The following RASSF8 variants were observed in gnomAD, a reference collection of about 807,000 sequenced individuals.
RASSF8 encodes the protein Ras association domain family member 8.
In RASSF8, 22 loss-of-function variants were observed where a neutral mutation model predicts 48.5. The observed-to-expected ratio is 0.45, with a 90% CI of 0.32 to 0.65. The LOEUF is 0.65. Among genes scored for constraint, RASSF8 ranks in the 30% least tolerant of loss-of-function variants. The pLI is 0.03. For missense variants in RASSF8, 418 were observed against 489.2 expected, an observed-to-expected ratio of 0.85 and a Z score of 1.37; for synonymous variants, 127 against 171.5, an observed-to-expected ratio of 0.74 and a Z score of 2.03.
At chr12:25,988,736 T>G (rs773502258) in intron 1 of RASSF8, among the ~76,000 whole-genome samples, 9 of 152,144 alleles carry the variant, frequency 5.9e-5, no homozygotes, top group Non-Finnish European at 1.0e-4. Flanking sequence ...TCTCATTTAT[T>G]GAGTTTGCCA....
At chr12:26,028,389 C>G (rs1392849424) in intron 2 of RASSF8, among the ~76,000 whole-genome samples, 4 of 152,104 alleles carry the variant, frequency 2.6e-5, no homozygotes, top group African/African-American at 9.7e-5. Flanking sequence ...GAATTCTAAC[C>G]AAGTATTTCA....
chr12:26,020,753 G>C (rs2137061713), intron 2 of RASSF8, among the ~76,000 whole-genome samples: 1 of 152,040 alleles, frequency 6.6e-6, no homozygotes, highest in Non-Finnish European at 1.5e-5. Context: ...TCTATTTCTA[G>C]GGAAAAAAGT....
chr12:26,058,538 G>GCGCGCGCACACA (rs377669426), intron 3 of RASSF8, among the ~76,000 whole-genome samples: 1 of 148,998 alleles, frequency 6.7e-6, no homozygotes, highest in African/African-American at 2.5e-5. Context: ...ACGCGCGCGC[G>GCGCGCGCACACA]CACACACACA....
chr12:25,979,428 T>C (rs548112693), intron 1 of RASSF8, among the ~76,000 whole-genome samples: 2 of 152,102 alleles, frequency 1.3e-5, no homozygotes, highest in East Asian at 1.9e-4. Flanking sequence ...GAGGAAATCA[T>C]TGAGGATTTT....
At chr12:25,967,998 C>T (rs539342458) in intron 1 of RASSF8, among the ~76,000 whole-genome samples, 2 of 152,224 alleles carry the variant, frequency 1.3e-5, no homozygotes, top group African/African-American at 2.4e-5. Flanking sequence ...AATTCAGTCT[C>T]GCCTTTCCTT....
chr12:26,020,360 A>G (rs954383223), intron 2 of RASSF8: 10 of 152,232 alleles, frequency 6.6e-5, no homozygotes, highest in African/African-American at 2.2e-4. Flanking sequence ...CCCCAGAACT[A>G]TGAGAGGAAA....
rs144948000 is a variant in RASSF8, at chr12:26,012,705, G to A, written c.-109+17575G>A. Reference sequence around the variant, plus strand: ...TTCTTTTTTTTTTTTTTTTGAGATAGGGTCTCACTCTGTTGCCCAGGCTAG... The same window carrying A: ...TTCTTTTTTTTTTTTTTTTGAGATAAGGTCTCACTCTGTTGCCCAGGCTAG... On this transcript the variant is annotated intron_variant, in intron 2 of 5. Coordinates refer to ENST00000689635, the MANE Select transcript of RASSF8 (RefSeq NM_001394098.1). 2.9e-5 allele frequency among the ~76,000 whole-genome samples: 4 copies of A among 135,770 alleles called. No homozygotes were observed. The East Asian group carries it at 8.6e-4, about 29-fold the overall frequency. 89.1% of individuals were successfully genotyped at this position (135,770 alleles called of 152,430 possible).
chr12:25,999,778 A>G (rs1259279811), intron 2 of RASSF8, among the ~76,000 whole-genome samples: 1 of 152,222 alleles, frequency 6.6e-6, no homozygotes, highest in Admixed American at 6.5e-5. Flanking sequence ...AATCATGTAA[A>G]TATCATGATC....
rs1301499062 is a variant in RASSF8 at position 26,069,614 on chromosome 12, TTA to T, written c.*798_*799del. 2.0e-6 allele frequency: 2 copies of T among 985,316 alleles called. No individual in the cohort carries two copies. The highest frequency in any genetic ancestry group is 3.5e-5 in the African/African-American group (2 of 57,242). The allele number at this position is 985,316 out of a possible 1,614,324, so 61.0% of individuals were successfully genotyped here. ...AACAGGCATGGGGTTTCCTGATACATTATGTGTTTTGTTTCTGCCCTGTCTTA... is the reference window on the plus strand; with the variant it reads ...AACAGGCATGGGGTTTCCTGATACATTGTGTTTTGTTTCTGCCCTGTCTTA... On this transcript the variant is annotated 3_prime_UTR_variant, in exon 6 of 6. Coordinates refer to ENST00000689635, the MANE Select transcript of RASSF8 (RefSeq NM_001394098.1).
intron 1 of RASSF8, among the ~76,000 whole-genome samples, chr12:25,976,406 A>C (rs938287494): frequency 1.3e-5 from 2 of 149,278 alleles, no homozygotes; most frequent in Non-Finnish European, 3.0e-5. Flanking sequence ...CTTGGTTTGC[A>C]CAGAAGTATA....
At chr12:26,008,481 C>T (rs1023136534) in intron 2 of RASSF8, among the ~76,000 whole-genome samples, 2 of 152,106 alleles carry the variant, frequency 1.3e-5, no homozygotes, top group African/African-American at 4.8e-5. Flanking sequence ...GATTAAAGAT[C>T]ACAATATTTT....
At chr12:25,995,310 G>A (rs923724959) in intron 2 of RASSF8, among the ~76,000 whole-genome samples, 180 bp downstream of exon 2, 1 of 152,172 alleles carries the variant, frequency 6.6e-6, no homozygotes, top group African/African-American at 2.4e-5. Flanking sequence ...AGTATAGGTG[G>A]TGATAGTATC....
chr12:26,033,140 C>T (rs1943063649), intron 2 of RASSF8, among the ~76,000 whole-genome samples: 1 of 152,144 alleles, frequency 6.6e-6, no homozygotes, highest in Non-Finnish European at 1.5e-5. Flanking sequence ...CTAAATGGTT[C>T]AGCTGAATCA....
chr12:26,044,490 C>T (rs1382478438), intron 2 of RASSF8, among the ~76,000 whole-genome samples: 2 of 152,068 alleles, frequency 1.3e-5, no homozygotes, highest in African/African-American at 2.4e-5. Flanking sequence ...AGTAGCTGTA[C>T]CCTACAGTTG....
At chr12:26,058,739 T>G (rs7139241) in intron 3 of RASSF8, among the ~76,000 whole-genome samples, 61,191 of 152,080 alleles carry the variant, frequency 0.4, 13,093 homozygotes, top group Non-Finnish European at 0.49. Context: ...TCAAATTGAA[T>G]TAGCAAAGAG....
At position 25,964,550 on chromosome 12, in the gene RASSF8, C is replaced by T. The variant is rs139137747; in HGVS notation, c.-203+5402C>T. 3.9e-5 allele frequency among the ~76,000 whole-genome samples: 6 copies of T among 152,190 alleles called. No homozygotes were observed. In the East Asian group the frequency reaches 5.8e-4, roughly 15 times the overall value. On this transcript the variant is annotated intron_variant, in intron 1 of 5. Coordinates refer to ENST00000689635, the MANE Select transcript of RASSF8 (RefSeq NM_001394098.1). ...TCACTGTTGTTAGCTATCATTGGCT[C>T]GTGAGTGCTAAATCATGTTTATCCT...
intron 2 of RASSF8, among the ~76,000 whole-genome samples, chr12:26,026,512 T>A (rs1284323515): frequency 1.3e-5 from 2 of 152,170 alleles, no homozygotes; most frequent in Admixed American, 1.3e-4. Flanking sequence ...CTCAGCTCAC[T>A]GCAACCTCCA....
At position 26,069,230 on chromosome 12, in the gene RASSF8, C is replaced by G. The variant is rs540203450; in HGVS notation, c.*412C>G. The G allele has an allele frequency of 2.4e-5, 24 of 985,270 alleles. 1 individual carries two copies. The East Asian group carries it at 1.2e-3, about 50-fold the overall frequency. The allele number at this position is 985,270 out of a possible 1,614,324, so 61.0% of individuals were successfully genotyped here. ...TGTTTTAATATTTTTATTGACTTATCCTGTGACTGACTTACGTTACATATT... is the reference window on the plus strand; with the variant it reads ...TGTTTTAATATTTTTATTGACTTATGCTGTGACTGACTTACGTTACATATT... On this transcript the variant is annotated 3_prime_UTR_variant, in exon 6 of 6. Coordinates refer to ENST00000689635, the MANE Select transcript of RASSF8 (RefSeq NM_001394098.1).
intron 1 of RASSF8, among the ~76,000 whole-genome samples, chr12:25,971,123 T>C (rs1447531995): frequency 6.6e-6 from 1 of 152,236 alleles, no homozygotes; most frequent in Non-Finnish European, 1.5e-5. Flanking sequence ...GTCTTTAAGC[T>C]TGTAGCCCTC....
Sources: gnomAD v4.1 joint callset for allele counts (sites outside exome capture counted in the v4.1 genomes callset) on GRCh38, gnomAD v4.1.1 for gene constraint, MANE v1.5 for transcripts, NCBI Gene and HGNC (gene_info 2026-07-23, HGNC 2026-07-21) for gene names.